FAM135A: variants seen among roughly 807,000 people sequenced by gnomAD.
The protein encoded by FAM135A is family with sequence similarity 135 member A.
Under a neutral mutation model 146.8 loss-of-function variants are expected in FAM135A, and 79 were observed. The observed-to-expected ratio is 0.54, with a 90% CI of 0.45 to 0.65. The LOEUF is 0.65. Among genes scored for constraint, FAM135A ranks in the 30% least tolerant of loss-of-function variants. The probability of loss-of-function intolerance (pLI) is 0.00; values close to 1 mark genes in which losing one functional copy is unlikely to be tolerated. For missense variants in FAM135A, 1,623 were observed against 1,758.2 expected (o/e 0.92, Z 1.38); for synonymous variants, 562 against 603.6 (o/e 0.93, Z 1.01).
chr6:70,505,156 C>T (rs77092253), intron 12 of FAM135A, among the ~76,000 whole-genome samples: 19,779 of 151,556 alleles, frequency 0.13, 1,529 homozygotes, highest in Middle Eastern at 0.19. Context: ...ACATAGTATT[C>T]TTTTATCATT....
chr6:70,424,574 T>C (rs949077197), intron 2 of FAM135A, among the ~76,000 whole-genome samples: 1 of 152,210 alleles, frequency 6.6e-6, no homozygotes, highest in Admixed American at 6.5e-5. Context: ...CTTAATCTAA[T>C]CTTAACTGCA....
At chr6:70,448,022 T>C (rs1776207714) in intron 4 of FAM135A, among the ~76,000 whole-genome samples, 1 of 152,168 alleles carries the variant, frequency 6.6e-6, no homozygotes, top group African/African-American at 2.4e-5. Context: ...TATTTCCCTG[T>C]TGATCTGCGG....
intron 20 of FAM135A, among the ~76,000 whole-genome samples, chr6:70,553,068 A>G (rs963538519): frequency 6.6e-6 from 1 of 152,094 alleles, no homozygotes; most frequent in Non-Finnish European, 1.5e-5. Context: ...CCTTTTTCAC[A>G]TCAGGCATCA....
intron 18 of FAM135A, among the ~76,000 whole-genome samples, chr6:70,535,212 GAGCGTCTCGCAAGATATACCTGTA>G (rs1360885666): frequency 6.6e-6 from 1 of 152,134 alleles, no homozygotes; most frequent in Non-Finnish European, 1.5e-5. Flanking sequence ...AGTTTGTCCT[GAGCGTCTCGCAAGATATACCTGTA>G]AGCCAGTGTT....
chr6:70,429,207 A>G (rs1167564172), intron 4 of FAM135A, among the ~76,000 whole-genome samples: 1 of 152,234 alleles, frequency 6.6e-6, no homozygotes, highest in East Asian at 1.9e-4. Context: ...AGAAACGAAC[A>G]TGTTATTTTT....
rs370598178 is a variant in FAM135A at position 70,525,094 on chromosome 6, G to T, written c.2010G>T (p.Glu670Asp). The T allele has an allele frequency of 6.4e-7, 1 of 1,567,952 alleles. No homozygotes were observed. Reference sequence around the variant, plus strand: ...GTAATAAAGATCCTTTCAGTGGAGAGAATATAACTGTCAAACTAGGACCTT... The same window carrying T: ...GTAATAAAGATCCTTTCAGTGGAGATAATATAACTGTCAAACTAGGACCTT... ...KPSNKDPFSG[E>D]NITVKLGPWT... Residue 670 changes from glutamate (E) to aspartate (D), a missense_variant, in exon 15 of 22, where the codon GAG (glutamate) becomes GAT (aspartate). By Grantham distance (45) the Glu-to-Asp change is conservative. This residue lies in a region of FAM135A where 1,061 missense variants were observed against 1,113.8 expected (regional missense o/e 0.95). Transcript: ENST00000418814.
At position 70,559,917 on chromosome 6, in the gene FAM135A, A is replaced by G; in HGVS notation, c.4544A>G (p.Gln1515Arg). 1 of 1,610,476 alleles carries G rather than the reference A, an allele frequency of 6.2e-7. No homozygotes were observed. The highest frequency in any genetic ancestry group is 1.1e-5 in the South Asian group (1 of 90,818). ...FFLVAALKYF[Q>R] ...CTGGTTGCTGCCCTCAAATATTTCC[A>G]ATAGTATAAAAGCATTGTTAGCGAC... The change falls in exon 22 of 22, where the codon CAA becomes CGA. Residue 1515 changes from glutamine to arginine, a missense_variant. Transcript: ENST00000418814.
chr6:70,468,707 T>G (rs1034871958), intron 5 of FAM135A, among the ~76,000 whole-genome samples: 6 of 152,192 alleles, frequency 3.9e-5, no homozygotes, highest in African/African-American at 1.4e-4. Context: ...AAGACTCTTG[T>G]CTGTCTCCTT....
In FAM135A at chr6:70,525,276, A is replaced by C. The variant is rs1045804949; in HGVS notation, c.2192A>C (p.Lys731Thr). Reference sequence around the variant, plus strand: ...CTTTCTATTGGAGAATCATTAACTAAATTACGAAGTAATCTACCTGCCCCT... The same window carrying C: ...CTTTCTATTGGAGAATCATTAACTACATTACGAAGTAATCTACCTGCCCCT... Reference protein sequence around the residue: ...KCLSIGESLTKLRSNLPAPST... With the variant: ...KCLSIGESLTTLRSNLPAPST... The change falls in exon 15 of 22, where the codon AAA becomes ACA. Residue 731 changes from lysine to threonine, a missense_variant. Lys to Thr is a moderately conservative substitution (Grantham distance 78). Around this residue, in one of 7 missense-constraint regions of FAM135A, gnomAD observed 1,061 missense variants for 1,113.8 expected, o/e 0.95. Transcript: ENST00000418814. The C allele has an allele frequency of 6.2e-7, 1 of 1,600,306 alleles. No individual in the cohort carries two copies. The highest frequency in any genetic ancestry group is 8.5e-7 in the Non-Finnish European group (1 of 1,174,758).
chr6:70,540,229 C>T (rs896873580), intron 20 of FAM135A, among the ~76,000 whole-genome samples: 1 of 151,866 alleles, frequency 6.6e-6, no homozygotes, highest in African/African-American at 2.4e-5. Flanking sequence ...TTTCAGCCAA[C>T]GTTCCATTCT....
At chr6:70,516,538 T>TC (rs1413164598) in intron 12 of FAM135A, among the ~76,000 whole-genome samples, 1 of 138,350 alleles carries the variant, frequency 7.2e-6, no homozygotes, top group East Asian at 2.0e-4. Flanking sequence ...TTCTTTTTTT[T>TC]TTTTTTTTTT....
chr6:70,429,647 G>T (rs2127782658), intron 4 of FAM135A, among the ~76,000 whole-genome samples: 1 of 152,312 alleles, frequency 6.6e-6, no homozygotes, highest in Middle Eastern at 3.4e-3. Context: ...GTCTAGAGAA[G>T]AGTTGACACT....
intron 3 of FAM135A, among the ~76,000 whole-genome samples, chr6:70,427,535 A>C (rs1035274154): frequency 1.5e-4 from 15 of 99,598 alleles, no homozygotes; most frequent in Non-Finnish European, 2.2e-4. Context: ...CTGTCTCACA[A>C]AAAAAAAAAA....
chr6:70,559,828 A>G lies in FAM135A; in HGVS notation c.4455A>G (p.Ser1485=). Residue 1485 remains serine (S), a synonymous_variant, in exon 22 of 22, where the codon TCA becomes TCG. Transcript: ENST00000418814. ...VINALPNTAD[S]LIGRAAHIAV... ...ATGCATTGCCCAATACAGCTGATTC[A>G]CTCATTGGGAGAGCTGCACATATAG... 1 of 1,614,034 alleles carries G rather than the reference A, an allele frequency of 6.2e-7. No individual in the cohort carries two copies. The highest frequency in any genetic ancestry group is 8.5e-7 in the Non-Finnish European group (1 of 1,179,960).
intron 11 of FAM135A, among the ~76,000 whole-genome samples, 191 bp downstream of exon 11, chr6:70,491,274 T>C (rs1785917243): frequency 6.6e-6 from 1 of 151,988 alleles, no homozygotes; most frequent in Non-Finnish European, 1.5e-5. Context: ...TTAACTTACC[T>C]TTTAAAAAGT....
chr6:70,515,613 A>T (rs954084704), intron 12 of FAM135A, among the ~76,000 whole-genome samples: 4 of 152,090 alleles, frequency 2.6e-5, no homozygotes, highest in Non-Finnish European at 4.4e-5. Flanking sequence ...GGACAGAGGG[A>T]GGGACAGGTA....
Position 70,475,457 on chromosome 6 carries a change from A to G in FAM135A, c.205A>G (p.Ser69Gly), listed in dbSNP as rs900037456. 1 of 1,605,596 alleles carries G rather than the reference A, an allele frequency of 6.2e-7. No homozygotes were observed. Among genetic ancestry groups the G allele is most frequent in the Non-Finnish European group, 8.5e-7 (1 of 1,176,594 alleles). The change falls in exon 6 of 22, where the codon AGT (serine) becomes GGT (glycine). Residue 69 changes from serine to glycine, a missense_variant. By Grantham distance (56) the Ser-to-Gly change is moderately conservative. This residue lies in a region of FAM135A where 171 missense variants were observed against 164.9 expected (regional missense o/e 1.04). Coordinates refer to ENST00000418814, the MANE Select transcript of FAM135A (RefSeq NM_001162529.3). ...PASVHDSLIC[S>G]KTFQILYKNE... Reference sequence around the variant, plus strand: ...CTCAGTTCATGATTCTCTAATTTGCAGTAAAACATTTCAAATTTTGTACAA... The same window carrying G: ...CTCAGTTCATGATTCTCTAATTTGCGGTAAAACATTTCAAATTTTGTACAA...
intron 5 of FAM135A, among the ~76,000 whole-genome samples, chr6:70,468,407 G>T (rs1451768840): frequency 2.0e-5 from 3 of 152,144 alleles, no homozygotes; most frequent in Non-Finnish European, 4.4e-5. Flanking sequence ...AAAAGATAGA[G>T]GTTTCCTAAG....
intron 12 of FAM135A, among the ~76,000 whole-genome samples, chr6:70,520,493 A>G (rs923038097): frequency 6.6e-6 from 1 of 152,210 alleles, no homozygotes; most frequent in Admixed American, 6.5e-5. Context: ...GAATGAACAC[A>G]GATACAGGAG....
Sources: gnomAD v4.1 joint callset for allele counts (sites outside exome capture counted in the v4.1 genomes callset) on GRCh38, gnomAD v4.1.1 for gene constraint, gnomAD v4.1.1 regional missense constraint, MANE v1.5 for transcripts, NCBI Gene and HGNC (gene_info 2026-07-23, HGNC 2026-07-21) for gene names.